The following SAXO1 variants were observed in gnomAD, a reference collection of about 807,000 sequenced individuals.
SAXO1 encodes stabilizer of axonemal microtubules 1.
Under a neutral mutation model 17.5 loss-of-function variants are expected in SAXO1, and 21 were observed. That is an observed-to-expected ratio of 1.20 (90% CI 0.85 to 1.72). The LOEUF is 1.72. Ranked by LOEUF, SAXO1 falls within the 40% of genes most tolerant of loss-of-function variation. SAXO1 has a pLI of 0.00. For missense variants in SAXO1, 843 were observed against 596.0 expected, an observed-to-expected ratio of 1.41 and a Z score of -4.32; for synonymous variants, 274 against 216.5, an observed-to-expected ratio of 1.27 and a Z score of -2.33.
At chr9:19,030,772 A>C (rs531301624) in intron 1 of SAXO1, among the ~76,000 whole-genome samples, 2 of 152,346 alleles carry the variant, frequency 1.3e-5, no homozygotes, top group East Asian at 3.9e-4. Context: ...GAGATGATTC[A>C]AAATTTTCAC....
chr9:19,012,066 G>T (rs961122959), intron 1 of SAXO1, among the ~76,000 whole-genome samples: 21 of 151,828 alleles, frequency 1.4e-4, no homozygotes, highest in African/African-American at 5.1e-4. Context: ...GGATGGTCTC[G>T]ATCTCTTGAC....
chr9:18,935,762 G>A (rs1831261225), intron 3 of SAXO1, among the ~76,000 whole-genome samples: 1 of 152,186 alleles, frequency 6.6e-6, no homozygotes, highest in Admixed American at 6.5e-5. Context: ...TAACTCAGAA[G>A]TTGTCTTCCC....
chr9:18,978,221 A>G (rs990978402), intron 1 of SAXO1, among the ~76,000 whole-genome samples: 1 of 151,858 alleles, frequency 6.6e-6, no homozygotes, highest in Non-Finnish European at 1.5e-5. Context: ...ATGGAAATGC[A>G]ATGAGAGTGA....
chr9:19,011,848 G>GTTTTTTTTT lies in SAXO1; in HGVS notation c.38+21022_38+21023insAAAAAAAAA, dbSNP rs10646825. ...TTCAATTTTACCATTATTAAGCATA[G>GTTTTTTTTT]ATTTTTTTTTTTTTTTGAGATGGAG... On this transcript the variant is annotated intron_variant, in intron 1 of 3. Transcript: ENST00000380534. Among the ~76,000 whole-genome samples the GTTTTTTTTT allele has an allele frequency of 1.4e-4, 20 of 143,522 alleles. 2 individuals carry two copies. Among genetic ancestry groups the GTTTTTTTTT allele is most frequent in the Non-Finnish European group, 1.4e-4 (9 of 66,496 alleles). 94.2% of individuals were successfully genotyped at this position (143,522 alleles called of 152,430 possible). A position where few individuals can be genotyped will look rare whatever the true frequency, so the allele number is the denominator to read the frequency against.
At chr9:18,985,686 C>G (rs963683158) in intron 1 of SAXO1, among the ~76,000 whole-genome samples, 1 of 152,222 alleles carries the variant, frequency 6.6e-6, no homozygotes, top group Admixed American at 6.5e-5. Flanking sequence ...CGCAGAGCCA[C>G]CACTCCGACT....
At chr9:18,946,921 G>A (rs1431488082) in intron 2 of SAXO1, among the ~76,000 whole-genome samples, 3 of 152,202 alleles carry the variant, frequency 2.0e-5, no homozygotes, top group Non-Finnish European at 4.4e-5. Flanking sequence ...ACTTGAAGTT[G>A]AAACTAGGTT....
chr9:19,007,776 A>G (rs1834543867), intron 1 of SAXO1, among the ~76,000 whole-genome samples: 1 of 152,262 alleles, frequency 6.6e-6, no homozygotes, highest in African/African-American at 2.4e-5. Context: ...TAGTTGAAAA[A>G]TTAACAGGGA....
chr9:18,939,191 C>A (rs1231618365), intron 3 of SAXO1, among the ~76,000 whole-genome samples: 2 of 152,206 alleles, frequency 1.3e-5, no homozygotes, highest in East Asian at 3.8e-4. Flanking sequence ...ACTGCAGTTT[C>A]ATTCCTCTAT....
At chr9:19,008,216 G>A (rs76648212) in intron 1 of SAXO1, among the ~76,000 whole-genome samples, 1,822 of 152,204 alleles carry the variant, frequency 0.012, 17 homozygotes, top group Middle Eastern at 0.054. Flanking sequence ...AAGCTCAAGC[G>A]ATCTGCCCAC....
At chr9:18,998,394 G>C (rs1455988905) in intron 1 of SAXO1, among the ~76,000 whole-genome samples, 1 of 152,048 alleles carries the variant, frequency 6.6e-6, no homozygotes, top group African/African-American at 2.4e-5. Flanking sequence ...ATCAAATAAA[G>C]TGAGAAGACA....
chr9:19,037,653 T>C (rs1835976295), upstream of SAXO1, among the ~76,000 whole-genome samples: 1 of 152,214 alleles, frequency 6.6e-6, no homozygotes, highest in Non-Finnish European at 1.5e-5. Flanking sequence ...CAATTAAACC[T>C]CTTTTCCTTC....
upstream of SAXO1, among the ~76,000 whole-genome samples, chr9:19,036,204 T>A (rs1379491735): frequency 6.9e-6 from 1 of 144,924 alleles, no homozygotes; most frequent in Non-Finnish European, 1.5e-5. Context: ...TGTATACCCA[T>A]GTAACAAACC....
At chr9:18,971,011 G>A (rs920657282) in intron 1 of SAXO1, among the ~76,000 whole-genome samples, 5 of 152,082 alleles carry the variant, frequency 3.3e-5, no homozygotes, top group African/African-American at 1.2e-4. Context: ...CAGGTAATGG[G>A]GAGGATAAAT....
At chr9:18,975,751 C>T (rs1186901714) in intron 1 of SAXO1, among the ~76,000 whole-genome samples, 1 of 152,154 alleles carries the variant, frequency 6.6e-6, no homozygotes, top group Non-Finnish European at 1.5e-5. Context: ...TAGCCATTGT[C>T]AGAGCACATA....
chr9:18,987,048 C>T (rs1406965478), intron 1 of SAXO1, among the ~76,000 whole-genome samples: 1 of 152,176 alleles, frequency 6.6e-6, no homozygotes, highest in Non-Finnish European at 1.5e-5. Context: ...TGCATTGAAT[C>T]AACTTTTCAA....
intron 1 of SAXO1, among the ~76,000 whole-genome samples, chr9:18,993,756 G>A (rs558077575): frequency 1.3e-5 from 2 of 152,102 alleles, no homozygotes; most frequent in Non-Finnish European, 2.9e-5. Flanking sequence ...TAGGCTGGGG[G>A]GTTCTCATGT....
chr9:19,018,250 A>AAGTTATTT (rs1835075670), intron 1 of SAXO1, among the ~76,000 whole-genome samples: 2 of 152,136 alleles, frequency 1.3e-5, no homozygotes, highest in South Asian at 4.1e-4. Context: ...ATATCATGTA[A>AAGTTATTT]AGTTATTTAT....
chr9:19,016,118 T>A (rs1342582166), intron 1 of SAXO1, among the ~76,000 whole-genome samples: 1 of 152,150 alleles, frequency 6.6e-6, no homozygotes, highest in African/African-American at 2.4e-5. Context: ...ATTCCTGTGA[T>A]AAAGCCATTA....
At chr9:19,041,021 A>G (rs770477806) in intron 1 of SAXO1, among the ~76,000 whole-genome samples, 44 of 152,084 alleles carry the variant, frequency 2.9e-4, no homozygotes, top group Non-Finnish European at 4.4e-4. Flanking sequence ...TTTGCAGATG[A>G]TATGTTCTTA....
Sources: gnomAD v4.1 joint callset for allele counts (sites outside exome capture counted in the v4.1 genomes callset) on GRCh38, gnomAD v4.1.1 for gene constraint, MANE v1.5 for transcripts, NCBI Gene and HGNC (gene_info 2026-07-23, HGNC 2026-07-21) for gene names.